EDIL3: variants seen among roughly 807,000 people sequenced by gnomAD.
EDIL3 encodes EGF-like repeat and discoidin I-like domain-containing protein 3.
In EDIL3, 37 loss-of-function variants were observed where a neutral mutation model predicts 67.4. The observed-to-expected ratio is 0.55, with a 90% CI of 0.42 to 0.72. The LOEUF (loss-of-function observed/expected upper bound fraction) is 0.72. EDIL3 is among the 30% of genes least tolerant of loss of function. EDIL3 has a pLI of 0.00. For missense variants in EDIL3, 527 were observed against 586.3 expected, an observed-to-expected ratio of 0.90 and a Z score of 1.04; for synonymous variants, 195 against 196.3, an observed-to-expected ratio of 0.99 and a Z score of 0.05.
At chr5:84,242,623 C>T (rs1744820911) in intron 2 of EDIL3, among the ~76,000 whole-genome samples, 1 of 151,426 alleles carries the variant, frequency 6.6e-6, no homozygotes, top group South Asian at 2.1e-4. Context: ...CATGGCAAAA[C>T]CCTGTCTCTA....
At chr5:84,213,520 T>C (rs944549693) in intron 3 of EDIL3, among the ~76,000 whole-genome samples, 2 of 152,196 alleles carry the variant, frequency 1.3e-5, no homozygotes, top group Admixed American at 6.5e-5. Flanking sequence ...TATTGAGAAA[T>C]GTATAGCTCA....
chr5:84,341,009 A>G (rs916200433), intron 1 of EDIL3, among the ~76,000 whole-genome samples: 1 of 152,016 alleles, frequency 6.6e-6, no homozygotes, highest in Admixed American at 6.6e-5. Context: ...AAGTCAGCTC[A>G]GGGAAGACTT....
intron 3 of EDIL3, among the ~76,000 whole-genome samples, chr5:84,208,939 G>A (rs1178924936): frequency 9.2e-5 from 14 of 151,942 alleles, no homozygotes; most frequent in South Asian, 2.1e-4. Flanking sequence ...TGTTTATTGC[G>A]GCATTATTCA....
At position 84,384,596 on chromosome 5, in the gene EDIL3, G is replaced by C. The variant is rs1748186135; in HGVS notation, c.-222C>G. 1 of 382,826 alleles carries C rather than the reference G, an allele frequency of 2.6e-6. No individual in the cohort carries two copies. The highest frequency in any genetic ancestry group is 4.6e-6 in the Non-Finnish European group (1 of 217,906). 23.7% of individuals were successfully genotyped at this position (382,826 alleles called of 1,614,324 possible). Reference sequence around the variant, plus strand: ...CCCTTTTGCCTGCGCTCCGGCGCGCGGAGGTGGGTGAGCTCCGGGGAGCCG... The same window carrying C: ...CCCTTTTGCCTGCGCTCCGGCGCGCCGAGGTGGGTGAGCTCCGGGGAGCCG... On this transcript the variant is annotated 5_prime_UTR_variant, in exon 1 of 11. Coordinates refer to ENST00000296591, the MANE Select transcript of EDIL3 (RefSeq NM_005711.5).
chr5:84,245,089 T>C (rs1376620117), intron 2 of EDIL3, among the ~76,000 whole-genome samples: 1 of 152,218 alleles, frequency 6.6e-6, no homozygotes, highest in Non-Finnish European at 1.5e-5. Flanking sequence ...ATTCCTTCTC[T>C]CATTGGTCTT....
chr5:84,284,972 G>A (rs1745781517), intron 1 of EDIL3, among the ~76,000 whole-genome samples: 1 of 152,072 alleles, frequency 6.6e-6, no homozygotes, highest in South Asian at 2.1e-4. Flanking sequence ...GCTCTGTGAT[G>A]GGTTGAAGTT....
At chr5:84,305,330 T>C (rs988802018) in intron 1 of EDIL3, among the ~76,000 whole-genome samples, 1 of 152,240 alleles carries the variant, frequency 6.6e-6, no homozygotes, top group Non-Finnish European at 1.5e-5. Flanking sequence ...TTTGGACCAC[T>C]GTGCAACTAG....
At chr5:84,159,063 C>T (rs187769522) in intron 4 of EDIL3, among the ~76,000 whole-genome samples, 3 of 152,144 alleles carry the variant, frequency 2.0e-5, no homozygotes, top group Non-Finnish European at 4.4e-5. Flanking sequence ...TATGTTTTAA[C>T]GATATCCCCA....
At chr5:84,137,186 C>CAT in intron 5 of EDIL3, 55 bp downstream of exon 5, 3 of 460,346 alleles carry the variant, frequency 6.5e-6, no homozygotes, top group East Asian at 5.8e-5. Context: ...TGTATACATA[C>CAT]ACACACACAC....
intron 1 of EDIL3, among the ~76,000 whole-genome samples, chr5:84,328,366 C>T (rs1227796350): frequency 6.6e-6 from 1 of 151,996 alleles, no homozygotes; most frequent in East Asian, 1.9e-4. Context: ...TACCACCTGC[C>T]TTCCTTGAAT....
At chr5:84,349,447 T>G (rs953639891) in intron 1 of EDIL3, among the ~76,000 whole-genome samples, 3 of 152,180 alleles carry the variant, frequency 2.0e-5, no homozygotes, top group Admixed American at 2.0e-4. Context: ...ATCTGCTGAC[T>G]CAAGTAGGAC....
chr5:84,174,340 C>T (rs1463215418), intron 4 of EDIL3, among the ~76,000 whole-genome samples: 1 of 152,158 alleles, frequency 6.6e-6, no homozygotes, highest in African/African-American at 2.4e-5. Flanking sequence ...GTAGAACTAA[C>T]TATATATTGG....
At chr5:84,252,223 C>T (rs958059079) in intron 2 of EDIL3, among the ~76,000 whole-genome samples, 9 of 151,932 alleles carry the variant, frequency 5.9e-5, no homozygotes, top group Admixed American at 3.3e-4. Context: ...CGGGCGCGGT[C>T]GCTCACGCCT....
chr5:84,327,479 T>C (rs1746787398), intron 1 of EDIL3, among the ~76,000 whole-genome samples: 1 of 152,048 alleles, frequency 6.6e-6, no homozygotes, highest in Admixed American at 6.6e-5. Context: ...AATTATTTTA[T>C]AATCTGTATA....
At chr5:84,132,238 TA>T (rs1452075510) in intron 5 of EDIL3, among the ~76,000 whole-genome samples, 6 of 128,822 alleles carry the variant, frequency 4.7e-5, no homozygotes, top group South Asian at 2.3e-4. Context: ...ACTCCGTCTT[TA>T]AAAAAAAAGA....
intron 6 of EDIL3, among the ~76,000 whole-genome samples, chr5:84,075,986 GAAATT>G (rs1176494250): frequency 6.8e-6 from 1 of 146,626 alleles, no homozygotes; most frequent in Non-Finnish European, 1.5e-5. Flanking sequence ...TATCATATTA[GAAATT>G]AATACTGACA....
chr5:84,377,912 G>A (rs562488253), intron 1 of EDIL3, among the ~76,000 whole-genome samples: 4 of 152,268 alleles, frequency 2.6e-5, no homozygotes, highest in South Asian at 4.1e-4. Context: ...TCCATTCTAA[G>A]TCACACACTA....
chr5:84,138,915 C>T (rs1165522195), intron 4 of EDIL3, among the ~76,000 whole-genome samples: 2 of 152,180 alleles, frequency 1.3e-5, no homozygotes, highest in Non-Finnish European at 2.9e-5. Context: ...ATCTGCTAAT[C>T]TCTAAAAAGA....
At chr5:84,354,280 A>T (rs1414011549) in intron 1 of EDIL3, among the ~76,000 whole-genome samples, 7 of 152,150 alleles carry the variant, frequency 4.6e-5, no homozygotes, top group Non-Finnish European at 8.8e-5. Flanking sequence ...CTCTATGGTG[A>T]CAATGTCTCT....
Sources: gnomAD v4.1 joint callset for allele counts (sites outside exome capture counted in the v4.1 genomes callset) on GRCh38, gnomAD v4.1.1 for gene constraint, MANE v1.5 for transcripts, NCBI Gene and HGNC (gene_info 2026-07-23, HGNC 2026-07-21) for gene names.